Variants in MACROD2 observed in about 807,000 individuals in gnomAD.
The protein encoded by MACROD2 is ADP-ribose glycohydrolase MACROD2.
Under a neutral mutation model 70.4 loss-of-function variants are expected in MACROD2, and 36 were observed. The observed-to-expected ratio is 0.51, with a 90% CI of 0.39 to 0.68. The LOEUF (loss-of-function observed/expected upper bound fraction) is 0.68, where lower values mean the gene tolerates loss of function less well. Ranked by LOEUF, MACROD2 falls within the 30% of genes least tolerant of loss-of-function variation. The pLI is 0.00. For synonymous variants in MACROD2, 172 were observed against 178.8 expected (o/e 0.96, Z 0.30); for missense variants, 496 against 538.4 (o/e 0.92, Z 0.78).
Position 15,991,010 on chromosome 20 carries a change from G to A in MACROD2, c.1153+3852G>A, listed in dbSNP as rs369466679. Among the ~76,000 whole-genome samples, 7 of 152,102 alleles carry A rather than the reference G, an allele frequency of 4.6e-5. No homozygotes were observed. In the South Asian group the frequency reaches 1.5e-3, roughly 32 times the overall value. On this transcript the variant is annotated intron_variant, in intron 15 of 17. Coordinates refer to ENST00000684519, the MANE Select transcript of MACROD2 (RefSeq NM_001351661.2). ...AAATCATAGGTTTTCCTCAGTTTTA[G>A]TTATTGTACCCTATTGATAAAAATA...
intron 7 of MACROD2, among the ~76,000 whole-genome samples, chr20:15,481,429 G>T (rs2047095991): frequency 6.6e-6 from 1 of 152,142 alleles, no homozygotes; most frequent in African/African-American, 2.4e-5. Flanking sequence ...TGAGGTAAAT[G>T]TTGTCACATT....
chr20:14,908,873 T>C (rs1394050760), intron 5 of MACROD2, among the ~76,000 whole-genome samples: 2 of 152,182 alleles, frequency 1.3e-5, no homozygotes, highest in Non-Finnish European at 2.9e-5. Context: ...GAGACAGTAC[T>C]ACAAGAGTTA....
chr20:15,196,427 A>G (rs1334365487), intron 5 of MACROD2, among the ~76,000 whole-genome samples: 4 of 152,166 alleles, frequency 2.6e-5, no homozygotes, highest in African/African-American at 4.8e-5. Flanking sequence ...ATATATGGCA[A>G]TTTTACCCGA....
intron 3 of MACROD2, among the ~76,000 whole-genome samples, chr20:14,130,322 T>C (rs2054701043): frequency 2.0e-5 from 3 of 152,084 alleles, no homozygotes; most frequent in South Asian, 2.1e-4. Context: ...CCAAGGTGGG[T>C]GGATCACCTG....
intron 5 of MACROD2, among the ~76,000 whole-genome samples, chr20:15,009,290 A>G (rs2075063630): frequency 6.6e-6 from 1 of 152,088 alleles, no homozygotes; most frequent in Non-Finnish European, 1.5e-5. Flanking sequence ...TTCCTCCCCA[A>G]AGAAGCCTAA....
Position 15,204,031 on chromosome 20 carries a change from A to G in MACROD2, c.419-25909A>G, listed in dbSNP as rs1272323280. Among the ~76,000 whole-genome samples, 4 of 152,176 alleles carry G rather than the reference A, an allele frequency of 2.6e-5. No homozygotes were observed. The East Asian group carries it at 7.7e-4, about 29-fold the overall frequency. On this transcript the variant is annotated intron_variant, in intron 5 of 17. Transcript: ENST00000684519. ...GAATGGATTTAATGTCTGTGTATCA[A>G]TCAACCATGATATCAATGATGCACT... is the stretch of plus-strand genomic sequence containing the variant.
At chr20:14,993,450 C>A (rs748684082) in intron 5 of MACROD2, among the ~76,000 whole-genome samples, 6 of 152,048 alleles carry the variant, frequency 3.9e-5, no homozygotes, top group Non-Finnish European at 7.4e-5. Context: ...AATTTAAGAT[C>A]TTCCCATTTT....
At chr20:14,051,269 A>G (rs937549636) in intron 2 of MACROD2, among the ~76,000 whole-genome samples, 3 of 152,242 alleles carry the variant, frequency 2.0e-5, no homozygotes, top group Non-Finnish European at 4.4e-5. Context: ...TAAAAAATGA[A>G]AGAACTACAA....
At chr20:15,599,464 C>T (rs955045203) in intron 8 of MACROD2, among the ~76,000 whole-genome samples, 5 of 152,004 alleles carry the variant, frequency 3.3e-5, no homozygotes, top group Non-Finnish European at 5.9e-5. Flanking sequence ...GCCCTTTACA[C>T]GAAACAGTGG....
intron 5 of MACROD2, among the ~76,000 whole-genome samples, chr20:14,992,422 C>G (rs1029558534): frequency 2.6e-5 from 4 of 152,148 alleles, no homozygotes; most frequent in African/African-American, 9.6e-5. Context: ...CACAAAAACT[C>G]AGTTGCTTTG....
chr20:15,117,377 T>C (rs1056951284), intron 5 of MACROD2, among the ~76,000 whole-genome samples: 1 of 152,186 alleles, frequency 6.6e-6, no homozygotes. Flanking sequence ...AATGAGTTGG[T>C]GTTTTTATGG....
intron 8 of MACROD2, among the ~76,000 whole-genome samples, chr20:15,574,291 T>G (rs921105211): frequency 7.9e-5 from 12 of 152,086 alleles, no homozygotes; most frequent in African/African-American, 2.7e-4. Flanking sequence ...TCTTAATTAT[T>G]TTCATTAAAA....
chr20:15,718,819 C>G (rs954480668), intron 8 of MACROD2, among the ~76,000 whole-genome samples: 5 of 152,182 alleles, frequency 3.3e-5, no homozygotes, highest in African/African-American at 1.2e-4. Context: ...GAACTAAAGT[C>G]TGTCCTTCGA....
At chr20:14,227,031 T>C (rs1043147501) in intron 3 of MACROD2, among the ~76,000 whole-genome samples, 1 of 152,108 alleles carries the variant, frequency 6.6e-6, no homozygotes, top group African/African-American at 2.4e-5. Context: ...ATACACCAAT[T>C]GGCACTCTGT....
At chr20:16,018,514 A>C (rs1002580790) in intron 15 of MACROD2, among the ~76,000 whole-genome samples, 1 of 152,060 alleles carries the variant, frequency 6.6e-6, no homozygotes, top group African/African-American at 2.4e-5. Context: ...TACTTTGCTG[A>C]GAAAATCAAG....
intron 3 of MACROD2, among the ~76,000 whole-genome samples, chr20:14,249,620 T>A (rs1303863861): frequency 1.3e-5 from 2 of 152,152 alleles, no homozygotes; most frequent in African/African-American, 4.8e-5. Flanking sequence ...TTTGAAGTTC[T>A]CTCATGAGAT....
At chr20:15,499,285 C>A (rs2047335891) in intron 7 of MACROD2, among the ~76,000 whole-genome samples, 1 of 152,126 alleles carries the variant, frequency 6.6e-6, no homozygotes, top group Non-Finnish European at 1.5e-5. Context: ...AGGAAATACC[C>A]TCTTTGAATT....
At chr20:15,362,762 A>G (rs2078367608) in intron 6 of MACROD2, among the ~76,000 whole-genome samples, 2 of 152,182 alleles carry the variant, frequency 1.3e-5, no homozygotes, top group African/African-American at 4.8e-5. Flanking sequence ...TAGTGTTGAT[A>G]TGATTATTCA....
intron 6 of MACROD2, among the ~76,000 whole-genome samples, chr20:15,301,246 T>C (rs1191266968): frequency 6.6e-6 from 1 of 152,204 alleles, no homozygotes; most frequent in Non-Finnish European, 1.5e-5. Context: ...ATAAGTCTTT[T>C]ACCTCATCCC....
Sources: gnomAD v4.1 joint callset for allele counts (sites outside exome capture counted in the v4.1 genomes callset) on GRCh38, gnomAD v4.1.1 for gene constraint, MANE v1.5 for transcripts, NCBI Gene and HGNC (gene_info 2026-07-23, HGNC 2026-07-21) for gene names.